The following ADSL variants were observed in gnomAD, a reference collection of about 807,000 sequenced individuals.
ADSL encodes the protein adenylosuccinase.
A neutral mutation model predicts 62.1 loss-of-function variants in ADSL; 44 were observed. The observed-to-expected ratio is 0.71, with a 90% CI of 0.56 to 0.91. ADSL has a LOEUF of 0.91. Ranked by LOEUF, ADSL falls within the 40% of genes least tolerant of loss-of-function variation. ADSL has a pLI of 0.00. For missense variants in ADSL, 531 were observed against 627.4 expected (o/e 0.85, Z 1.64); for synonymous variants, 198 against 220.5 (o/e 0.90, Z 0.90).
chr22:40,358,490 A>T (rs1442588750), intron 4 of ADSL, among the ~76,000 whole-genome samples: 1 of 152,212 alleles, frequency 6.6e-6, no homozygotes, highest in Non-Finnish European at 1.5e-5. Context: ...AGGCTGAGGC[A>T]GAAGGATCAC....
intron 2 of ADSL, among the ~76,000 whole-genome samples, chr22:40,381,454 G>C (rs1196299937): frequency 6.6e-6 from 1 of 152,086 alleles, no homozygotes; most frequent in African/African-American, 2.4e-5. Context: ...CGGCTACAAG[G>C]CATTTTAACG....
intron 10 of ADSL, among the ~76,000 whole-genome samples, chr22:40,363,547 C>A (rs533013262): frequency 2.1e-4 from 32 of 151,950 alleles, no homozygotes; most frequent in African/African-American, 7.5e-4. Flanking sequence ...ACTAGCCTGG[C>A]CAACATGGTA....
chr22:40,387,447 A>G (rs1474043571), intron 2 of ADSL: 1 of 366,916 alleles, frequency 2.7e-6, no homozygotes, highest in East Asian at 3.9e-5. Flanking sequence ...TATATGAAAA[A>G]TAGCAACTGT....
At position 40,350,029 on chromosome 22, in the gene ADSL, C is replaced by T. The variant is rs781534496; in HGVS notation, c.351C>T (p.Asp117=). The T allele has an allele frequency of 2.5e-6, 4 of 1,613,550 alleles. No individual in the cohort carries two copies. Among genetic ancestry groups the T allele is most frequent in the South Asian group, 1.1e-5 (1 of 91,066 alleles). Residue 117 remains aspartate (D), a synonymous_variant, in exon 2 of 13, where the codon GAC becomes GAT. Coordinates refer to ENST00000623063, the MANE Select transcript of ADSL (RefSeq NM_000026.4). ...GTGCTACTTCTTGCTATGTTGGAGA[C>T]AATACTGTAGGCGCCTGTGTTGTTT... ...HLGATSCYVG[D]NTDLIILRNA...
intron 4 of ADSL, among the ~76,000 whole-genome samples, chr22:40,356,711 C>A (rs1285328877): frequency 6.6e-6 from 1 of 151,694 alleles, no homozygotes; most frequent in Admixed American, 6.6e-5. Context: ...GGTGTGGTGG[C>A]TTGTGCCTGT....
intron 2 of ADSL, among the ~76,000 whole-genome samples, chr22:40,382,180 G>T (rs576482222): frequency 6.6e-6 from 1 of 152,248 alleles, no homozygotes; most frequent in South Asian, 2.1e-4. Flanking sequence ...AAAAGTAAGA[G>T]TTGAGAGGAG....
chr22:40,355,421 G>A (rs1195988267), intron 4 of ADSL, among the ~76,000 whole-genome samples: 1 of 152,172 alleles, frequency 6.6e-6, no homozygotes, highest in Non-Finnish European at 1.5e-5. Context: ...GCCTCCCAAA[G>A]TGCTGGGATT....
In ADSL at chr22:40,360,442, G is replaced by A. The variant is rs1432553646; in HGVS notation, c.742G>A (p.Asp248Asn). 1 of 1,613,902 alleles carries A rather than the reference G, an allele frequency of 6.2e-7. No homozygotes were observed. Among genetic ancestry groups the A allele is most frequent in the Non-Finnish European group, 8.5e-7 (1 of 1,179,966 alleles). The change falls in exon 7 of 13, where the codon GAT (aspartate) becomes AAT (asparagine). Residue 248 changes from aspartate to asparagine, a missense_variant. Coordinates refer to ENST00000623063, the MANE Select transcript of ADSL (RefSeq NM_000026.4). ...ITGQTYTRKV[D>N]IEVLSVLASL... Reference sequence around the variant, plus strand: ...AGGGCAGACATATACACGAAAAGTGGATATTGAAGTACTGTCTGTGCTGGC... The same window carrying A: ...AGGGCAGACATATACACGAAAAGTGAATATTGAAGTACTGTCTGTGCTGGC...
chr22:40,355,303 C>T (rs560601441), intron 4 of ADSL, among the ~76,000 whole-genome samples: 44 of 152,084 alleles, frequency 2.9e-4, no homozygotes, highest in African/African-American at 8.9e-4. Flanking sequence ...CCACCATGCC[C>T]GGCTAATTTT....
chr22:40,360,266 G>T, intron 6 of ADSL, 136 bp from the exon 7 acceptor site: 1 of 699,850 alleles, frequency 1.4e-6, no homozygotes, highest in Non-Finnish European at 2.6e-6. Flanking sequence ...TCCCAGTGAT[G>T]CTTAGGCTGG....
chr22:40,373,430 GTT>G (rs1226932092), downstream of ADSL: 1 of 152,046 alleles, frequency 6.6e-6, no homozygotes, highest in African/African-American at 2.4e-5. Context: ...CCTCAACTCT[GTT>G]GAAACTACTC....
intron 1 of ADSL, chr22:40,348,249 CTGCT>C (rs1454479936): frequency 1.8e-5 from 7 of 395,768 alleles, no homozygotes; most frequent in Non-Finnish European, 2.7e-5. Flanking sequence ...CTGCCCTCTG[CTGCT>C]TTGCTTTGGA....
intron 2 of ADSL, among the ~76,000 whole-genome samples, chr22:40,381,497 C>A (rs2047576598): frequency 6.6e-6 from 1 of 152,096 alleles, no homozygotes; most frequent in Admixed American, 6.5e-5. Context: ...ACTGGAAATA[C>A]AAACTGAAGT....
chr22:40,348,537 C>T (rs966846815), intron 1 of ADSL: 5 of 398,460 alleles, frequency 1.3e-5, no homozygotes, highest in South Asian at 1.3e-4. Flanking sequence ...CACGCCACCA[C>T]GCCCGGCAAA....
intron 4 of ADSL, among the ~76,000 whole-genome samples, chr22:40,355,142 T>C (rs940350253): frequency 6.6e-6 from 1 of 152,180 alleles, no homozygotes; most frequent in Non-Finnish European, 1.5e-5. Flanking sequence ...TTTTGAGTTT[T>C]GTTTTGTTTT....
chr22:40,362,001 G>A (rs2044809283), intron 9 of ADSL, among the ~76,000 whole-genome samples: 1 of 152,162 alleles, frequency 6.6e-6, no homozygotes, highest in Admixed American at 6.6e-5. Context: ...GTAGCCCTGG[G>A]GAATGAAGTC....
intron 4 of ADSL, among the ~76,000 whole-genome samples, chr22:40,355,532 T>C (rs146285355): frequency 1.3e-5 from 2 of 152,196 alleles, no homozygotes; most frequent in African/African-American, 2.4e-5. Context: ...GTTTTCAATA[T>C]CCATGTTGAA....
rs754744143 is a variant in ADSL at position 40,366,724 on chromosome 22, C to G, written c.*202C>G. 7 of 557,678 alleles carry G rather than the reference C, an allele frequency of 1.3e-5. No individual in the cohort carries two copies. The South Asian group carries it at 1.4e-4, about 11-fold the overall frequency. 34.5% of individuals were successfully genotyped at this position (557,678 alleles called of 1,614,324 possible). On this transcript the variant is annotated 3_prime_UTR_variant, in exon 13 of 13. Transcript: ENST00000623063. ...AGCGTTGAAGTTGACTCTGCTCTTG[C>G]ATAGTAAATGTAGTTCATACTTGAT...
At chr22:40,381,821 A>G (rs2047625696) in intron 2 of ADSL, among the ~76,000 whole-genome samples, 1 of 152,238 alleles carries the variant, frequency 6.6e-6, no homozygotes, top group Non-Finnish European at 1.5e-5. Flanking sequence ...CTAGCCAGGC[A>G]TGGTGGTATA....
Sources: gnomAD v4.1 joint callset for allele counts (sites outside exome capture counted in the v4.1 genomes callset) on GRCh38, gnomAD v4.1.1 for gene constraint, MANE v1.5 for transcripts, NCBI Gene and HGNC (gene_info 2026-07-23, HGNC 2026-07-21) for gene names.